DNAL1: variants seen among roughly 807,000 people sequenced by gnomAD.
DNAL1 encodes the protein chromosome 14 open reading frame 168.
A neutral mutation model predicts 29.4 loss-of-function variants in DNAL1; 17 were observed. The ratio of observed to expected loss-of-function variants is 0.58; its 90% CI spans 0.40 to 0.87. The LOEUF is 0.87. Among genes scored for constraint, DNAL1 ranks in the 40% least tolerant of loss-of-function variants. DNAL1 has a pLI of 0.00. For synonymous variants in DNAL1, 78 were observed against 76.3 expected (o/e 1.02, Z -0.12); for missense variants, 188 against 214.1 (o/e 0.88, Z 0.76).
intron 5 of DNAL1, among the ~76,000 whole-genome samples, chr14:73,679,289 C>T (rs546746780): frequency 1.4e-4 from 22 of 152,250 alleles, no homozygotes; most frequent in African/African-American, 3.9e-4. Flanking sequence ...CCACCGTGCC[C>T]GGCCAAGACT....
chr14:73,651,622 G>A lies in DNAL1; in HGVS notation c.4-3225G>A, dbSNP rs186051950. On this transcript the variant is annotated intron_variant, in intron 1 of 7. Coordinates refer to ENST00000553645, the MANE Select transcript of DNAL1 (RefSeq NM_031427.4). ...TTATAGAAATGTATGCCTTGTCTGG[G>A]TTTTAAACCTTATTGCCATATGTTT... is the stretch of plus-strand genomic sequence containing the variant. Among the ~76,000 whole-genome samples the A allele has an allele frequency of 6.1e-3, 926 of 152,106 alleles. 9 individuals carry two copies. The highest frequency in any genetic ancestry group is 0.02 in the African/African-American group (849 of 41,492).
intron 5 of DNAL1, among the ~76,000 whole-genome samples, chr14:73,679,070 C>T (rs1039200765): frequency 5.9e-5 from 9 of 152,166 alleles, no homozygotes; most frequent in Admixed American, 2.0e-4. Flanking sequence ...GATCTCGGCT[C>T]ACTGCAACCT....
rs193203097 is a variant in DNAL1 at position 73,693,052 on chromosome 14, T to C, written c.533-2850T>C. Among the ~76,000 whole-genome samples, 18 of 152,236 alleles carry C rather than the reference T, an allele frequency of 1.2e-4. 1 individual carries two copies. The highest frequency in any genetic ancestry group is 4.3e-4 in the African/African-American group (18 of 41,524). ...GGTCTTATCATCTTGGCAAGGCTGG[T>C]CTTCAACTCCTGACCTCGTGATCCA... On this transcript the variant is annotated intron_variant, in intron 7 of 7. Coordinates refer to ENST00000553645, the MANE Select transcript of DNAL1 (RefSeq NM_031427.4).
Position 73,702,698 on chromosome 14 carries a change from C to G in DNAL1, c.*6756C>G, listed in dbSNP as rs1367425203. 1 of 152,162 alleles carries G rather than the reference C, an allele frequency of 6.6e-6. No homozygotes were observed. The highest frequency in any genetic ancestry group is 1.5e-5 in the Non-Finnish European group (1 of 68,034). The allele number at this position is 152,162 out of a possible 1,614,324, so 9.4% of individuals were successfully genotyped here. A position where few individuals can be genotyped will look rare whatever the true frequency, so the allele number is the denominator to read the frequency against. On this transcript the variant is annotated 3_prime_UTR_variant, in exon 8 of 8. Coordinates refer to ENST00000553645, the MANE Select transcript of DNAL1 (RefSeq NM_031427.4). The stretch of plus-strand genomic sequence containing the variant: ...ACCAAGCAATATCCGTAACATTACA[C>G]ATTTTGCCAGCACATTTTCTATGCT...
In DNAL1 at chr14:73,651,794, A is replaced by C. The variant is rs146598537; in HGVS notation, c.4-3053A>C. ...GCCTCAGCCACCCAAGTAGCTGGAA[A>C]TACAGGTGCACATCACCATGCCCAG... is the stretch of plus-strand genomic sequence containing the variant. On this transcript the variant is annotated intron_variant, in intron 1 of 7. Transcript: ENST00000553645. Among the ~76,000 whole-genome samples, 1,226 of 152,122 alleles carry C rather than the reference A, an allele frequency of 8.1e-3. 23 individuals are homozygous for C. The highest frequency in any genetic ancestry group is 0.028 in the African/African-American group (1,162 of 41,522).
At chr14:73,662,191 G>C in intron 4 of DNAL1, 149 bp downstream of exon 4, 1 of 654,320 alleles carries the variant, frequency 1.5e-6, no homozygotes, top group South Asian at 2.4e-5. Context: ...TCTTAAGTTT[G>C]ATTATCCAAA....
intron 7 of DNAL1, 42 bp from the exon 8 acceptor site, chr14:73,695,859 AT>A (rs1566893753): frequency 6.6e-7 from 1 of 1,512,292 alleles, no homozygotes; most frequent in Non-Finnish European, 9.0e-7. Flanking sequence ...AATTTTAGCA[AT>A]TTTTTGAGAA....
chr14:73,687,199 A>C, intron 5 of DNAL1, 60 bp from the exon 6 acceptor site: 1 of 1,592,544 alleles, frequency 6.3e-7, no homozygotes, highest in Non-Finnish European at 8.5e-7. Flanking sequence ...ATCTTTATAA[A>C]GAAGAAGACA....
intron 7 of DNAL1, among the ~76,000 whole-genome samples, chr14:73,693,070 G>A (rs1463266342): frequency 1.3e-5 from 2 of 152,136 alleles, no homozygotes; most frequent in East Asian, 1.9e-4. Context: ...TCCTGACCTC[G>A]TGATCCACCC....
At chr14:73,651,488 G>A (rs567166110) in intron 1 of DNAL1, among the ~76,000 whole-genome samples, 1 of 152,278 alleles carries the variant, frequency 6.6e-6, no homozygotes, top group South Asian at 2.1e-4. Flanking sequence ...TAGGCTTGGA[G>A]TATTGGGGGA....
chr14:73,682,586 ATTTTC>A (rs887933176), intron 5 of DNAL1, among the ~76,000 whole-genome samples: 2 of 151,512 alleles, frequency 1.3e-5, no homozygotes, highest in Non-Finnish European at 2.9e-5. Context: ...GTATAAAAAT[ATTTTC>A]TTTCTTTATT....
rs115024317 is a variant in DNAL1, at chr14:73,651,730, C to T, written c.4-3117C>T. 7.2e-3 allele frequency among the ~76,000 whole-genome samples: 1,100 copies of T among 152,300 alleles called. 17 individuals carry two copies. The highest frequency in any genetic ancestry group is 0.025 in the African/African-American group (1,044 of 41,564). On this transcript the variant is annotated intron_variant, in intron 1 of 7. Coordinates refer to ENST00000553645, the MANE Select transcript of DNAL1 (RefSeq NM_031427.4). Reference sequence around the variant, plus strand: ...GCAGTGCAATGCCGCAATCTCGGCTCATTGCAACCTCCACCTCCTGGATTT... The same window carrying T: ...GCAGTGCAATGCCGCAATCTCGGCTTATTGCAACCTCCACCTCCTGGATTT...
In DNAL1 at chr14:73,650,466, A is replaced by G. The variant is rs944389546; in HGVS notation, c.4-4381A>G. Among the ~76,000 whole-genome samples the G allele has an allele frequency of 2.6e-5, 4 of 152,174 alleles. No homozygotes were observed. In the South Asian group the frequency reaches 6.2e-4, roughly 24 times the overall value. On this transcript the variant is annotated intron_variant, in intron 1 of 7. Coordinates refer to ENST00000553645, the MANE Select transcript of DNAL1 (RefSeq NM_031427.4). ...CCTTCTAATAGATGTAAGCTCCATG[A>G]AGGCAGGAATCTCTGTTTTGTTCAT...
At chr14:73,646,495 C>G (rs963776859) in intron 1 of DNAL1, among the ~76,000 whole-genome samples, 1 of 152,166 alleles carries the variant, frequency 6.6e-6, no homozygotes, top group Admixed American at 6.5e-5. Flanking sequence ...CCTGTAATCC[C>G]AGAGGCCTGT....
chr14:73,671,548 T>TGA lies in DNAL1; in HGVS notation c.217_218dup (p.Ile74GlyfsTer5). 1 of 1,487,518 alleles carries TGA rather than the reference T, an allele frequency of 6.7e-7. No homozygotes were observed. The highest frequency in any genetic ancestry group is 9.0e-7 in the Non-Finnish European group (1 of 1,113,018). The allele number at this position is 1,487,518 out of a possible 1,614,324, so 92.1% of individuals were successfully genotyped here. A position where few individuals can be genotyped will look rare whatever the true frequency, so the allele number is the denominator to read the frequency against. On this transcript the variant is annotated frameshift_variant, in exon 5 of 8. Coordinates refer to ENST00000553645, the MANE Select transcript of DNAL1 (RefSeq NM_031427.4). LOFTEE classifies it high-confidence loss of function. ...TGTTTTCTTTTCACTACAGAAAACTTGAGGATATTATCTTTAGGAAGAAAC... is the reference window on the plus strand; with the variant it reads ...TGTTTTCTTTTCACTACAGAAAACTTGAGAGGATATTATCTTTAGGAAGAAAC...
intron 1 of DNAL1, among the ~76,000 whole-genome samples, chr14:73,649,313 C>CG (rs1235049518): frequency 1.4e-5 from 2 of 147,340 alleles, no homozygotes; most frequent in African/African-American, 2.5e-5. Context: ...GACGGAGTCT[C>CG]GCTCTGTCGC....
intron 7 of DNAL1, among the ~76,000 whole-genome samples, chr14:73,690,014 C>T (rs1047235659): frequency 1.2e-5 from 1 of 84,038 alleles, no homozygotes; most frequent in Admixed American, 1.4e-4. Context: ...CCAGCCTGGG[C>T]AAAAAAGAGT....
chr14:73,674,970 C>A (rs1210184496), intron 5 of DNAL1, among the ~76,000 whole-genome samples: 1 of 151,606 alleles, frequency 6.6e-6, no homozygotes, highest in Non-Finnish European at 1.5e-5. Flanking sequence ...AGACACACCT[C>A]ATCACACTCA....
chr14:73,662,466 G>A (rs553795323), intron 4 of DNAL1, among the ~76,000 whole-genome samples: 2 of 152,266 alleles, frequency 1.3e-5, no homozygotes, highest in African/African-American at 4.8e-5. Flanking sequence ...TCCTACGGCT[G>A]CTGTAACTTG....
Sources: allele counts gnomAD v4.1 joint callset (sites outside exome capture counted in the v4.1 genomes callset), GRCh38; gene constraint gnomAD v4.1.1; transcripts MANE v1.5; gene names NCBI Gene and HGNC (gene_info 2026-07-23, HGNC 2026-07-21).